PCDHA2: variants seen among roughly 807,000 people sequenced by gnomAD.
The protein encoded by PCDHA2 is protocadherin alpha 2, also known as protocadherin alpha-2.
PCDHA2 carries 58 observed loss-of-function variants against 66.0 expected under a neutral mutation model. That is an observed-to-expected ratio of 0.88 (90% confidence interval 0.71 to 1.09). PCDHA2 has a LOEUF of 1.09. Ranked by LOEUF, PCDHA2 falls within the 50% of genes least tolerant of loss-of-function variation. PCDHA2 has a pLI of 0.00. For synonymous variants in PCDHA2, 634 were observed against 554.0 expected (o/e 1.14, Z -2.03); for missense variants, 1,267 against 1,242.3 (o/e 1.02, Z -0.30).
At chr5:140,930,527 A>G (rs73793525) in intron 1 of PCDHA2, 1 of 152,462 alleles carries the variant, frequency 6.6e-6, no homozygotes, top group Non-Finnish European at 1.5e-5. Context: ...CTGGCCCTCA[A>G]ACTTCTTGAG....
At chr5:140,985,227 G>A (rs557750656) in intron 3 of PCDHA2, among the ~76,000 whole-genome samples, 5 of 152,206 alleles carry the variant, frequency 3.3e-5, no homozygotes, top group Non-Finnish European at 2.9e-5. Flanking sequence ...GTGAGCCACC[G>A]CGCCTGGCCT....
chr5:140,863,564 A>G (rs1426185409), intron 1 of PCDHA2: 3 of 374,440 alleles, frequency 8.0e-6, no homozygotes, highest in Non-Finnish European at 1.6e-5. Context: ...ATTTTTGAGA[A>G]TATAAGTACT....
At chr5:140,871,564 C>A (rs782409405) in intron 1 of PCDHA2, 7 of 1,482,594 alleles carry the variant, frequency 4.7e-6, no homozygotes, top group Non-Finnish European at 6.3e-6. Context: ...TTTTTTTTCA[C>A]GGATTTTTTA....
At chr5:140,967,424 G>A (rs1554229541) in intron 1 of PCDHA2, 4 of 1,613,184 alleles carry the variant, frequency 2.5e-6, no homozygotes, top group Non-Finnish European at 2.5e-6. Context: ...CCGGGAGCAG[G>A]CAGCCTTGCA....
intron 1 of PCDHA2, chr5:140,830,205 G>A: frequency 1.9e-6 from 3 of 1,613,780 alleles, no homozygotes; most frequent in Non-Finnish European, 2.5e-6. Context: ...ATCGCCATCT[G>A]CGCGGTATCC....
At chr5:140,867,824 G>A (rs1258393601) in intron 1 of PCDHA2, 1 of 151,982 alleles carries the variant, frequency 6.6e-6, no homozygotes, top group African/African-American at 2.4e-5. Flanking sequence ...ATTTCCACAA[G>A]CACTAAGGTA....
chr5:140,827,843 C>T, intron 1 of PCDHA2: 1 of 460,554 alleles, frequency 2.2e-6, no homozygotes, highest in Non-Finnish European at 3.7e-6. Flanking sequence ...AAAGAAGATA[C>T]TGTTTTAAAA....
intron 1 of PCDHA2, among the ~76,000 whole-genome samples, chr5:140,886,020 A>G (rs1402901328): frequency 2.0e-5 from 3 of 152,182 alleles, no homozygotes; most frequent in African/African-American, 7.2e-5. Flanking sequence ...GATGCTATGT[A>G]TTCTTCACTA....
rs376697527 is a variant in PCDHA2, at chr5:140,912,219, T to G, written c.2389-66730T>G. ...CCCAGATTGAGGGTAGATCTGCCTT[T>G]CCCAGTCCACTGACTCAAATGTTAA... On this transcript the variant is annotated intron_variant, in intron 1 of 3. Transcript: ENST00000526136. 4.3e-4 allele frequency among the ~76,000 whole-genome samples: 66 copies of G among 152,026 alleles called. 1 individual carries two copies. In the South Asian group the frequency reaches 0.013, roughly 30 times the overall value.
At chr5:140,858,328 G>T (rs782462952) in intron 1 of PCDHA2, 1 of 1,596,534 alleles carries the variant, frequency 6.3e-7, no homozygotes, top group South Asian at 1.1e-5. Context: ...GTTCTGGGGA[G>T]GGCCTGCCCA....
At chr5:140,989,598 TA>T (rs1554250927) in intron 3 of PCDHA2, among the ~76,000 whole-genome samples, 1 of 152,144 alleles carries the variant, frequency 6.6e-6, no homozygotes, top group Non-Finnish European at 1.5e-5. Flanking sequence ...CTGACACAAG[TA>T]AACTAAAAAT....
intron 1 of PCDHA2, chr5:140,801,973 C>T: frequency 1.1e-5 from 18 of 1,614,146 alleles, no homozygotes; most frequent in Non-Finnish European, 1.5e-5. Context: ...CCAAATGGTA[C>T]CCTAGTGGTG....
At chr5:140,933,036 A>G (rs545196190) in intron 1 of PCDHA2, among the ~76,000 whole-genome samples, 5 of 152,154 alleles carry the variant, frequency 3.3e-5, no homozygotes, top group South Asian at 4.1e-4. Context: ...CTTCAAGTGA[A>G]TATGGATTAC....
rs141975967 is a variant in PCDHA2, at chr5:140,824,104, C to G, written c.2388+26752C>G. The G allele has an allele frequency of 8.2e-5, 132 of 1,614,008 alleles. No homozygotes were observed. Among genetic ancestry groups the G allele is most frequent in the African/African-American group, 2.1e-4 (16 of 74,940 alleles). ...CATGGCCTTCAGTCCAAGCCTTCCTCAGGGTCCCACCTCTACAGACAACGT... is the reference window on the plus strand; with the variant it reads ...CATGGCCTTCAGTCCAAGCCTTCCTGAGGGTCCCACCTCTACAGACAACGT... On this transcript the variant is annotated intron_variant, in intron 1 of 3. Transcript: ENST00000526136.
rs187680387 is a variant in PCDHA2 at position 140,827,841 on chromosome 5, T to C, written c.2388+30489T>C. 68 of 458,788 alleles carry C rather than the reference T, an allele frequency of 1.5e-4. No homozygotes were observed. The East Asian group carries it at 2.3e-3, about 16-fold the overall frequency. The allele number at this position is 458,788 out of a possible 1,614,324, so 28.4% of individuals were successfully genotyped here. A position where few individuals can be genotyped will look rare whatever the true frequency, so the allele number is the denominator to read the frequency against. ...TACTATAAAAGTAGAGAAAAGAAGATACTGTTTTAAAAATATATGGTATAG... is the reference window on the plus strand; with the variant it reads ...TACTATAAAAGTAGAGAAAAGAAGACACTGTTTTAAAAATATATGGTATAG... On this transcript the variant is annotated intron_variant, in intron 1 of 3. Transcript: ENST00000526136.
At chr5:140,980,409 A>C (rs782265012) in intron 2 of PCDHA2, among the ~76,000 whole-genome samples, 3 of 152,188 alleles carry the variant, frequency 2.0e-5, no homozygotes, top group Non-Finnish European at 4.4e-5. Flanking sequence ...AGGTGGGCAG[A>C]TCATGAGGTC....
chr5:140,836,445 G>C, intron 1 of PCDHA2: 1 of 1,613,836 alleles, frequency 6.2e-7, no homozygotes, highest in Non-Finnish European at 8.5e-7. Flanking sequence ...GGGCATTGCA[G>C]GCCCAGAGAC....
Position 140,841,121 on chromosome 5 carries a change from A to T in PCDHA2, c.2388+43769A>T, listed in dbSNP as rs1777036212. The T allele has an allele frequency of 1.1e-5, 7 of 638,568 alleles. No individual in the cohort carries two copies. In the African/African-American group the frequency reaches 1.3e-4, roughly 12 times the overall value. 39.6% of individuals were successfully genotyped at this position (638,568 alleles called of 1,614,324 possible). A position where few individuals can be genotyped will look rare whatever the true frequency, so the allele number is the denominator to read the frequency against. The stretch of plus-strand genomic sequence containing the variant: ...TATTGCGGAAGTAATTCATGTAATC[A>T]TTACCTTTTGAAGCCACATGATGTC... On this transcript the variant is annotated intron_variant, in intron 1 of 3. Transcript: ENST00000526136.
intron 1 of PCDHA2, among the ~76,000 whole-genome samples, chr5:140,966,009 G>A (rs2153745631): frequency 6.6e-6 from 1 of 152,278 alleles, no homozygotes; most frequent in South Asian, 2.1e-4. Flanking sequence ...AGTGTCCAGG[G>A]AAGATGTGGG....
Sources: allele counts gnomAD v4.1 joint callset (sites outside exome capture counted in the v4.1 genomes callset), GRCh38; gene constraint gnomAD v4.1.1; transcripts MANE v1.5; gene names NCBI Gene and HGNC (gene_info 2026-07-23, HGNC 2026-07-21).